TSHZ3: variants seen among roughly 807,000 people sequenced by gnomAD.
The protein encoded by TSHZ3 is teashirt zinc finger homeobox 3, also known as teashirt homolog 3.
TSHZ3 carries 10 observed loss-of-function variants against 64.5 expected under a neutral mutation model. The ratio of observed to expected loss-of-function variants is 0.16; its 90% CI spans 0.10 to 0.26. TSHZ3 has a LOEUF of 0.26. TSHZ3 is among the 10% of genes least tolerant of loss of function. The pLI, the probability that TSHZ3 is intolerant of heterozygous loss-of-function variation, is 1.00. For synonymous variants in TSHZ3, 608 were observed against 593.1 expected, an observed-to-expected ratio of 1.03 and a Z score of -0.36; for missense variants, 1,242 against 1,421.7, an observed-to-expected ratio of 0.87 and a Z score of 2.03.
intron 1 of TSHZ3, among the ~76,000 whole-genome samples, chr19:31,259,478 T>C (rs1288230368): frequency 6.6e-6 from 1 of 151,980 alleles, no homozygotes. Flanking sequence ...ACTGTCCAGG[T>C]AGGGTCCAGT....
At chr19:31,347,970 C>T (rs1030329120) in intron 1 of TSHZ3, among the ~76,000 whole-genome samples, 20 of 152,112 alleles carry the variant, frequency 1.3e-4, no homozygotes, top group African/African-American at 4.6e-4. Flanking sequence ...ATGCCCTGAC[C>T]CTACTCTCTG....
intron 1 of TSHZ3, among the ~76,000 whole-genome samples, chr19:31,252,981 G>A (rs1163551239): frequency 6.6e-6 from 1 of 152,122 alleles, no homozygotes; most frequent in African/African-American, 2.4e-5. Flanking sequence ...ATGTATATTA[G>A]ACAAGTGCTG....
chr19:31,220,385 A>G (rs1975381906), intron 4 of TSHZ3, among the ~76,000 whole-genome samples: 1 of 152,202 alleles, frequency 6.6e-6, no homozygotes, highest in Admixed American at 6.5e-5. Flanking sequence ...AAAGAGATGA[A>G]TAAGTGAAGG....
chr19:31,284,803 C>T (rs1484993460), intron 1 of TSHZ3, among the ~76,000 whole-genome samples: 1 of 152,194 alleles, frequency 6.6e-6, no homozygotes, highest in Non-Finnish European at 1.5e-5. Context: ...CACCCACACC[C>T]CAGTTATCAG....
chr19:31,285,416 G>T (rs551822955), intron 1 of TSHZ3, among the ~76,000 whole-genome samples: 51 of 151,098 alleles, frequency 3.4e-4, no homozygotes, highest in Middle Eastern at 3.4e-3. Flanking sequence ...GGAGATTGAG[G>T]CTGCAGCGAG....
chr19:31,206,489 T>C (rs1975179557), intron 4 of TSHZ3, among the ~76,000 whole-genome samples: 1 of 152,176 alleles, frequency 6.6e-6, no homozygotes, highest in Non-Finnish European at 1.5e-5. Context: ...AGGAAAGTCC[T>C]TGGAAACACA....
intron 6 of TSHZ3, among the ~76,000 whole-genome samples, chr19:31,155,450 C>T (rs533535496): frequency 3.9e-5 from 6 of 152,172 alleles, no homozygotes; most frequent in Non-Finnish European, 5.9e-5. Context: ...GTGACCATCC[C>T]ATCAGAAAAT....
At chr19:31,156,920 A>G (rs923707663) in intron 5 of TSHZ3, among the ~76,000 whole-genome samples, 18 of 152,166 alleles carry the variant, frequency 1.2e-4, no homozygotes, top group African/African-American at 4.3e-4. Flanking sequence ...TGGGGCTGGC[A>G]GGCCACTTCT....
At chr19:31,345,475 AC>A (rs1046699070) in intron 1 of TSHZ3, among the ~76,000 whole-genome samples, 4 of 152,194 alleles carry the variant, frequency 2.6e-5, no homozygotes, top group African/African-American at 7.2e-5. Flanking sequence ...GCAACATGGA[AC>A]CCCCTCTGGC....
intron 1 of TSHZ3, among the ~76,000 whole-genome samples, chr19:31,343,272 G>C (rs545602467): frequency 5.9e-5 from 9 of 152,270 alleles, no homozygotes; most frequent in Admixed American, 2.0e-4. Context: ...TATTCTTCAA[G>C]AGCCACACCT....
chr19:31,231,536 T>C (rs1469485898), intron 3 of TSHZ3, among the ~76,000 whole-genome samples: 1 of 152,232 alleles, frequency 6.6e-6, no homozygotes. Context: ...TATTATTTAG[T>C]GTAAAACATG....
intron 1 of TSHZ3, among the ~76,000 whole-genome samples, chr19:31,262,943 T>A (rs540334032): frequency 1.3e-5 from 2 of 152,190 alleles, no homozygotes; most frequent in South Asian, 4.2e-4. Flanking sequence ...GACATGTGGG[T>A]GTTGAGAGCG....
intron 1 of TSHZ3, among the ~76,000 whole-genome samples, chr19:31,302,958 T>C (rs1976778460): frequency 6.6e-6 from 1 of 152,204 alleles, no homozygotes; most frequent in Non-Finnish European, 1.5e-5. Flanking sequence ...TTAATCTAGA[T>C]TACATGTACA....
chr19:31,215,748 G>GTGA (rs1406117374), intron 4 of TSHZ3, among the ~76,000 whole-genome samples: 5 of 152,034 alleles, frequency 3.3e-5, no homozygotes, highest in African/African-American at 4.8e-5. Context: ...GTGTGTGCCT[G>GTGA]TAATCCCAGC....
chr19:31,191,887 TA>T (rs879366543), intron 5 of TSHZ3, among the ~76,000 whole-genome samples: 3 of 152,176 alleles, frequency 2.0e-5, no homozygotes, highest in Admixed American at 2.0e-4. Context: ...AAATTTTATT[TA>T]AAAAATACAT....
intron 1 of TSHZ3, among the ~76,000 whole-genome samples, chr19:31,314,408 G>A (rs868072408): frequency 7.9e-5 from 12 of 152,126 alleles, no homozygotes; most frequent in African/African-American, 2.9e-4. Context: ...CTGCACGGTG[G>A]GGCTCTGCCT....
Position 31,278,578 on chromosome 19 carries a change from C to G in TSHZ3, c.1215G>C (p.Met405Ile). The G allele has an allele frequency of 6.2e-7, 1 of 1,614,164 alleles. No homozygotes were observed. Among genetic ancestry groups the G allele is most frequent in the Non-Finnish European group, 8.5e-7 (1 of 1,180,020 alleles). The change falls in exon 2 of 2, where the codon ATG (methionine) becomes ATC (isoleucine). Residue 405 changes from methionine (M) to isoleucine (I), a missense_variant. Transcript: ENST00000240587. This position sits in a 1 kb window ranked among gnomAD's most constrained non-coding sequence, Gnocchi z 4.7. ...HDTLQELTAH[M>I]MVTGHFIKVT... ...CCTTGATGAAGTGGCCAGTGACCATCATGTGGGCAGTGAGCTCCTGCAGGG... is the reference window on the plus strand; with the variant it reads ...CCTTGATGAAGTGGCCAGTGACCATGATGTGGGCAGTGAGCTCCTGCAGGG...
At chr19:31,341,279 T>C (rs560914678) in intron 1 of TSHZ3, among the ~76,000 whole-genome samples, 1 of 152,290 alleles carries the variant, frequency 6.6e-6, no homozygotes, top group Admixed American at 6.5e-5. Context: ...GTAATGTACA[T>C]AATGTACATG....
At chr19:31,253,700 A>T (rs1369992634) in intron 1 of TSHZ3, among the ~76,000 whole-genome samples, 1 of 152,088 alleles carries the variant, frequency 6.6e-6, no homozygotes, top group South Asian at 2.1e-4. Flanking sequence ...TAGTCTGTGC[A>T]TGCATGGGTA....
Sources: gnomAD v4.1 joint callset for allele counts (sites outside exome capture counted in the v4.1 genomes callset) on GRCh38, gnomAD v4.1.1 for gene constraint, Gnocchi (gnomAD v3.1) non-coding constraint, MANE v1.5 for transcripts, NCBI Gene and HGNC (gene_info 2026-07-23, HGNC 2026-07-21) for gene names.